MYT1L: variants seen among roughly 807,000 people sequenced by gnomAD.
The protein encoded by MYT1L is myelin transcription factor 1-like protein.
In MYT1L, 12 loss-of-function variants were observed where a neutral mutation model predicts 126.7. The ratio of observed to expected loss-of-function variants is 0.09; its 90% confidence interval spans 0.06 to 0.15. The LOEUF (loss-of-function observed/expected upper bound fraction) is 0.15, where lower values mean the gene tolerates loss of function less well. Ranked by LOEUF, MYT1L falls within the 10% of genes least tolerant of loss-of-function variation. The pLI, the probability that MYT1L is intolerant of heterozygous loss-of-function variation, is 1.00. For missense variants in MYT1L, 979 were observed against 1,585.2 expected (o/e 0.62, Z 6.49); for synonymous variants, 541 against 604.2 (o/e 0.90, Z 1.53).
intron 1 of MYT1L, among the ~76,000 whole-genome samples, chr2:2,294,864 A>G (rs1307993602): frequency 1.3e-5 from 2 of 152,236 alleles, no homozygotes; most frequent in Admixed American, 6.5e-5. Context: ...ATATTATACA[A>G]TAGTCCCTGT....
chr2:1,946,182 G>A (rs2057202626), intron 8 of MYT1L, among the ~76,000 whole-genome samples: 2 of 152,056 alleles, frequency 1.3e-5, no homozygotes, highest in Non-Finnish European at 1.5e-5. Flanking sequence ...TGCTCCTTAT[G>A]AGAATCTAAT....
At chr2:2,319,612 C>T (rs1191511493) in intron 1 of MYT1L, among the ~76,000 whole-genome samples, 1 of 152,072 alleles carries the variant, frequency 6.6e-6, no homozygotes, top group African/African-American at 2.4e-5. Flanking sequence ...CACCTGGATT[C>T]CTGAAGTGCT....
chr2:1,851,173 G>T (rs1558756349), intron 19 of MYT1L, among the ~76,000 whole-genome samples: 1 of 152,120 alleles, frequency 6.6e-6, no homozygotes, highest in Non-Finnish European at 1.5e-5. Context: ...GAGAGACAGT[G>T]CCTAGACTTT....
intron 4 of MYT1L, among the ~76,000 whole-genome samples, chr2:2,033,540 C>T (rs563432623): frequency 4.7e-4 from 71 of 152,310 alleles, no homozygotes; most frequent in African/African-American, 1.6e-3. Context: ...CAATGCTACT[C>T]CCTGAAAAGA....
chr2:1,799,021 C>G (rs929013114), intron 23 of MYT1L, among the ~76,000 whole-genome samples: 4 of 151,272 alleles, frequency 2.6e-5, no homozygotes, highest in African/African-American at 9.9e-5. Flanking sequence ...AACTTCTGGG[C>G]TGGAGCTCAT....
intron 2 of MYT1L, among the ~76,000 whole-genome samples, chr2:2,225,133 G>C (rs1289482521): frequency 6.7e-6 from 1 of 148,914 alleles, no homozygotes; most frequent in Non-Finnish European, 1.5e-5. Flanking sequence ...CAGTCTCCTT[G>C]CCTCAAATCA....
At chr2:2,176,502 T>A (rs2090799025) in intron 2 of MYT1L, among the ~76,000 whole-genome samples, 1 of 109,998 alleles carries the variant, frequency 9.1e-6, no homozygotes. Flanking sequence ...GGACATAACT[T>A]TTTTTTTTTT....
rs987077026 is a variant in MYT1L, at chr2:1,898,766, G to A, written c.2032+4314C>T. 6.6e-5 allele frequency among the ~76,000 whole-genome samples: 10 copies of A among 152,204 alleles called. No homozygotes were observed. In the East Asian group the frequency reaches 1.5e-3, roughly 23 times the overall value. Reference sequence around the variant, plus strand: ...GGAGGAGAAAACTTCACCAGGGAGCGGCCTCTGCTCAGGTAGAGAGGCCAT... The same window carrying A: ...GGAGGAGAAAACTTCACCAGGGAGCAGCCTCTGCTCAGGTAGAGAGGCCAT... On this transcript the variant is annotated intron_variant, in intron 14 of 24. Transcript: ENST00000647738.
chr2:1,962,818 T>C (rs912641537), intron 8 of MYT1L, among the ~76,000 whole-genome samples: 1 of 152,228 alleles, frequency 6.6e-6, no homozygotes, highest in Non-Finnish European at 1.5e-5. Flanking sequence ...TCCAGTTCTC[T>C]TGCTATTTCC....
chr2:2,295,751 G>GAGAC (rs756813873), intron 1 of MYT1L, among the ~76,000 whole-genome samples: 5 of 83,576 alleles, frequency 6.0e-5, no homozygotes, highest in Non-Finnish European at 1.4e-4. Context: ...CAGAGAGAGA[G>GAGAC]AGACAGACAG....
intron 21 of MYT1L, among the ~76,000 whole-genome samples, chr2:1,833,183 C>G (rs1159715726): frequency 6.6e-6 from 1 of 152,294 alleles, no homozygotes; most frequent in African/African-American, 2.4e-5. Context: ...AGTGGCATTG[C>G]ATCTGTCCCG....
chr2:1,839,091 G>A, intron 21 of MYT1L, 58 bp downstream of exon 21: 1 of 1,467,710 alleles, frequency 6.8e-7, no homozygotes, highest in East Asian at 2.4e-5. Context: ...AACCAGCCGT[G>A]CCAGTCGGCT....
At chr2:1,970,076 G>A (rs1289273923) in intron 8 of MYT1L, among the ~76,000 whole-genome samples, 3 of 152,198 alleles carry the variant, frequency 2.0e-5, no homozygotes, top group Non-Finnish European at 4.4e-5. Flanking sequence ...AAGAGAATAT[G>A]GAAATTGGCG....
At position 1,790,705 on chromosome 2, in the gene MYT1L, A is replaced by C. The variant is rs2031927247; in HGVS notation, c.*1162T>G. The C allele has an allele frequency of 6.4e-6, 1 of 155,256 alleles. No individual in the cohort carries two copies. The highest frequency in any genetic ancestry group is 2.0e-4 in the South Asian group (1 of 5,086). The allele number at this position is 155,256 out of a possible 1,614,324, so 9.6% of individuals were successfully genotyped here. On this transcript the variant is annotated 3_prime_UTR_variant, in exon 25 of 25. Transcript: ENST00000647738. ...GTCAAAGTCGGGCGGGGGGAGCAGG[A>C]GGGAAACTTTACCGAGCTGCCTTCC...
chr2:1,828,971 G>A (rs957360779), intron 21 of MYT1L, among the ~76,000 whole-genome samples: 1 of 152,172 alleles, frequency 6.6e-6, no homozygotes, highest in East Asian at 1.9e-4. Flanking sequence ...TCACTGAAGT[G>A]GAGTGAGAAC....
At chr2:1,799,436 C>G (rs1053177213) in intron 23 of MYT1L, among the ~76,000 whole-genome samples, 1 of 152,332 alleles carries the variant, frequency 6.6e-6, no homozygotes, top group South Asian at 2.1e-4. Context: ...TGAGCCCCAG[C>G]CCCAGTACTT....
intron 9 of MYT1L, among the ~76,000 whole-genome samples, chr2:1,925,959 A>G (rs1232489351): frequency 6.6e-6 from 1 of 152,158 alleles, no homozygotes; most frequent in Non-Finnish European, 1.5e-5. Flanking sequence ...CTGTCTTATC[A>G]TTGGCCCCAG....
chr2:2,170,402 C>T (rs1306689561), intron 3 of MYT1L, among the ~76,000 whole-genome samples: 1 of 152,184 alleles, frequency 6.6e-6, no homozygotes, highest in Non-Finnish European at 1.5e-5. Flanking sequence ...GTCAGGTGGC[C>T]ATGCCATTTG....
At chr2:2,100,838 T>C (rs2077983359) in intron 3 of MYT1L, among the ~76,000 whole-genome samples, 1 of 152,184 alleles carries the variant, frequency 6.6e-6, no homozygotes. Context: ...CATCCTTCTA[T>C]CTCCACATTG....
Sources: gnomAD v4.1 joint callset for allele counts (sites outside exome capture counted in the v4.1 genomes callset) on GRCh38, gnomAD v4.1.1 for gene constraint, MANE v1.5 for transcripts, NCBI Gene and HGNC (gene_info 2026-07-23, HGNC 2026-07-21) for gene names.